Variants in PRKDC observed in about 807,000 individuals in gnomAD.
The protein encoded by PRKDC is protein kinase, DNA-activated, catalytic subunit.
Under a neutral mutation model 486.9 loss-of-function variants are expected in PRKDC, and 82 were observed. That is an observed-to-expected ratio of 0.17 (90% CI 0.14 to 0.20). The LOEUF is 0.20. Ranked by LOEUF, PRKDC falls within the 10% of genes least tolerant of loss-of-function variation. The probability of loss-of-function intolerance (pLI) is 1.00; values close to 1 mark genes in which losing one functional copy is unlikely to be tolerated. For missense variants in PRKDC, 4,504 were observed against 5,038.2 expected, an observed-to-expected ratio of 0.89 and a Z score of 3.21; for synonymous variants, 1,895 against 1,837.0, an observed-to-expected ratio of 1.03 and a Z score of -0.81.
intron 50 of PRKDC, among the ~76,000 whole-genome samples, 165 bp downstream of exon 50, chr8:47,855,057 C>T (rs1467708335): frequency 2.0e-5 from 3 of 152,216 alleles, no homozygotes; most frequent in African/African-American, 7.2e-5. Flanking sequence ...GTGCGAGACA[C>T]GCATCTGGTG....
chr8:47,788,630 T>C (rs1160987534), intron 76 of PRKDC, among the ~76,000 whole-genome samples: 1 of 152,188 alleles, frequency 6.6e-6, no homozygotes, highest in East Asian at 1.9e-4. Flanking sequence ...GAAATCCCAA[T>C]CTATATGTAA....
At chr8:47,798,169 G>A in intron 73 of PRKDC, 68 bp downstream of exon 73, 6 of 1,515,300 alleles carry the variant, frequency 4.0e-6, no homozygotes, top group Non-Finnish European at 5.4e-6. Context: ...TAACGCGTTT[G>A]AATATAAATA....
At chr8:47,893,629 C>G (rs1409897563) in intron 30 of PRKDC, among the ~76,000 whole-genome samples, 1 of 152,148 alleles carries the variant, frequency 6.6e-6, no homozygotes, top group Non-Finnish European at 1.5e-5. Flanking sequence ...TACTCTTTCC[C>G]CTGCCTTTTT....
chr8:47,891,734 T>A (rs1177360092), intron 31 of PRKDC, among the ~76,000 whole-genome samples: 1 of 152,058 alleles, frequency 6.6e-6, no homozygotes, highest in East Asian at 1.9e-4. Context: ...AAAAAACTAA[T>A]TATTCTCAAA....
At chr8:47,818,238 TCTAAAAAATGAGGAGAAAAAAATC>T (rs2087492468) in intron 67 of PRKDC, among the ~76,000 whole-genome samples, 1 of 152,024 alleles carries the variant, frequency 6.6e-6, no homozygotes. Flanking sequence ...TCTATAAGCC[TCTAAAAAATGAGGAGAAAAAAATC>T]CATCTCATAA....
chr8:47,888,954 A>T (rs1205399730), intron 33 of PRKDC, 60 bp downstream of exon 33: 19 of 1,522,090 alleles, frequency 1.2e-5, no homozygotes, highest in Non-Finnish European at 1.7e-5. Context: ...GGAGCACGGC[A>T]ACATACTAGG....
chr8:47,956,285 C>T (rs1302777867), intron 3 of PRKDC, among the ~76,000 whole-genome samples: 1 of 152,080 alleles, frequency 6.6e-6, no homozygotes, highest in Non-Finnish European at 1.5e-5. Flanking sequence ...TCGCTTGAAC[C>T]CGGGAGACGG....
chr8:47,776,978 A>C lies in PRKDC; in HGVS notation c.12048T>G (p.Phe4016Leu), dbSNP rs748424157. ...CTCCTTTTTTCAGCATTTTCTGTTC[A>C]AAATTCTAGAAGAAAAGAACATGAT... is the stretch of plus-strand genomic sequence containing the variant. ...VKEPSFDWKN[F>L]EQKMLKKGGS... The change falls in exon 85 of 86, where the codon TTT becomes TTG. Residue 4016 changes from phenylalanine (F) to leucine (L), a missense_variant. Coordinates refer to ENST00000314191, the MANE Select transcript of PRKDC (RefSeq NM_006904.7). 1.2e-6 allele frequency: 2 copies of C among 1,609,100 alleles called. No individual in the cohort carries two copies. Among genetic ancestry groups the C allele is most frequent in the South Asian group, 2.2e-5 (2 of 90,046 alleles).
rs1427317699 is a variant in PRKDC, at chr8:47,819,382, A to C, written c.9445+20T>G. On this transcript the variant is annotated intron_variant, in intron 67 of 85. Transcript: ENST00000314191. ...TTCCACAATTAGAAATGAAAAAAAA[A>C]GACCGATGAAAAAAATTACCTTGTT... 2 of 1,417,772 alleles carry C rather than the reference A, an allele frequency of 1.4e-6. No individual in the cohort carries two copies. Among genetic ancestry groups the C allele is most frequent in the Non-Finnish European group, 1.9e-6 (2 of 1,040,866 alleles). The allele number at this position is 1,417,772 out of a possible 1,614,324, so 87.8% of individuals were successfully genotyped here. A position where few individuals can be genotyped will look rare whatever the true frequency, so the allele number is the denominator to read the frequency against.
At chr8:47,775,101 C>T (rs960988958) in intron 85 of PRKDC, among the ~76,000 whole-genome samples, 30 of 151,828 alleles carry the variant, frequency 2.0e-4, no homozygotes, top group Admixed American at 8.5e-4. Context: ...ACAGGAGGAT[C>T]GCTTGAACCC....
intron 61 of PRKDC, among the ~76,000 whole-genome samples, chr8:47,829,140 A>AT (rs2087806942): frequency 6.6e-6 from 1 of 152,230 alleles, no homozygotes; most frequent in African/African-American, 2.4e-5. Context: ...TTTCTATCAT[A>AT]TTATAATTGA....
chr8:47,825,850 A>C (rs1293470325), intron 63 of PRKDC, among the ~76,000 whole-genome samples: 1 of 152,136 alleles, frequency 6.6e-6, no homozygotes, highest in African/African-American at 2.4e-5. Context: ...ACCACCTCCT[A>C]CTTCAATTAT....
At chr8:47,874,032 C>T (rs1276649364) in intron 40 of PRKDC, among the ~76,000 whole-genome samples, 1 of 149,468 alleles carries the variant, frequency 6.7e-6, no homozygotes, top group Non-Finnish European at 1.5e-5. Flanking sequence ...AGTCACCTGC[C>T]TCCCGGGTTC....
chr8:47,897,511 T>A (rs2089602761), intron 29 of PRKDC, among the ~76,000 whole-genome samples: 1 of 152,242 alleles, frequency 6.6e-6, no homozygotes, highest in South Asian at 2.1e-4. Flanking sequence ...TTTTTTCATG[T>A]GGGGAAAAAT....
At chr8:47,956,224 C>T (rs1044073509) in intron 3 of PRKDC, among the ~76,000 whole-genome samples, 3 of 151,940 alleles carry the variant, frequency 2.0e-5, no homozygotes, top group Admixed American at 6.6e-5. Flanking sequence ...TAGCCAGGTA[C>T]GGTGGTGCAC....
chr8:47,773,976 C>T lies in PRKDC; in HGVS notation c.*197G>A, dbSNP rs968618458. On this transcript the variant is annotated 3_prime_UTR_variant, in exon 86 of 86. Transcript: ENST00000314191. ...AAACCTCACCTAATCTTTGATGTTA[C>T]TATAACCTTATCTTTGATTTAACCC... 8.8e-6 allele frequency: 5 copies of T among 565,260 alleles called. No individual in the cohort carries two copies. Among genetic ancestry groups the T allele is most frequent in the Non-Finnish European group, 1.2e-5 (4 of 327,690 alleles). 35.0% of individuals were successfully genotyped at this position (565,260 alleles called of 1,614,324 possible).
At chr8:47,843,316 TC>T (rs774494620) in intron 54 of PRKDC, among the ~76,000 whole-genome samples, 15 of 151,802 alleles carry the variant, frequency 9.9e-5, no homozygotes, top group Admixed American at 6.6e-5. Flanking sequence ...TGAAGACCAG[TC>T]CTTCAAATCA....
At chr8:47,928,747 A>G (rs913608636) in intron 19 of PRKDC, among the ~76,000 whole-genome samples, 2 of 151,808 alleles carry the variant, frequency 1.3e-5, no homozygotes, top group Non-Finnish European at 2.9e-5. Flanking sequence ...ACAGTAGTGC[A>G]ATCTCAGCTC....
intron 67 of PRKDC, among the ~76,000 whole-genome samples, chr8:47,818,612 A>G (rs919499795): frequency 1.3e-5 from 2 of 151,350 alleles, no homozygotes; most frequent in Non-Finnish European, 2.9e-5. Context: ...AGACTAGGTA[A>G]TATTGATAAA....
Sources: allele counts gnomAD v4.1 joint callset (sites outside exome capture counted in the v4.1 genomes callset), GRCh38; gene constraint gnomAD v4.1.1; transcripts MANE v1.5; gene names NCBI Gene and HGNC (gene_info 2026-07-23, HGNC 2026-07-21).